The following FSTL5 variants were observed in gnomAD, a reference collection of about 807,000 sequenced individuals.
The protein encoded by FSTL5 is follistatin like 5.
FSTL5 carries 62 observed loss-of-function variants against 89.1 expected under a neutral mutation model. The observed-to-expected ratio is 0.70, with a 90% CI of 0.57 to 0.86. FSTL5 has a LOEUF of 0.86. Ranked by LOEUF, FSTL5 falls within the 40% of genes least tolerant of loss-of-function variation. The pLI is 0.00. For missense variants in FSTL5, 1,057 were observed against 1,001.6 expected (o/e 1.06, Z -0.75); for synonymous variants, 383 against 346.2 (o/e 1.11, Z -1.18).
At chr4:161,788,403 C>T (rs1004652143) in intron 4 of FSTL5, among the ~76,000 whole-genome samples, 2 of 152,118 alleles carry the variant, frequency 1.3e-5, no homozygotes, top group African/African-American at 4.8e-5. Context: ...TCCCATCTCC[C>T]TCCCTTCCAA....
At chr4:161,665,610 AT>A (rs1207128676) in intron 6 of FSTL5, among the ~76,000 whole-genome samples, 17 of 152,194 alleles carry the variant, frequency 1.1e-4, no homozygotes, top group African/African-American at 4.1e-4. Flanking sequence ...CACATAACTG[AT>A]TTCATCAGCA....
intron 7 of FSTL5, 33 bp downstream of exon 7, chr4:161,656,295 T>C (rs771866458): frequency 2.5e-6 from 3 of 1,202,542 alleles, no homozygotes; most frequent in East Asian, 5.1e-5. Context: ...ATGAAATATA[T>C]ATATTATAAA....
intron 3 of FSTL5, among the ~76,000 whole-genome samples, chr4:161,978,410 A>T (rs1735724842): frequency 6.6e-6 from 1 of 152,162 alleles, no homozygotes; most frequent in Admixed American, 6.5e-5. Flanking sequence ...TTTGTTGTTT[A>T]AATATTTACA....
At chr4:162,000,471 G>T (rs866490391) in intron 3 of FSTL5, among the ~76,000 whole-genome samples, 3 of 151,660 alleles carry the variant, frequency 2.0e-5, no homozygotes, top group Non-Finnish European at 4.4e-5. Context: ...GGTGGCAGGC[G>T]CCTGTAATCC....
intron 15 of FSTL5, among the ~76,000 whole-genome samples, chr4:161,391,638 A>C (rs1399415936): frequency 6.6e-6 from 1 of 152,216 alleles, no homozygotes; most frequent in Non-Finnish European, 1.5e-5. Flanking sequence ...CTCAAGTACC[A>C]GAGGATTCAG....
chr4:162,132,145 A>G (rs72986930), intron 1 of FSTL5, among the ~76,000 whole-genome samples: 14,516 of 152,222 alleles, frequency 0.095, 883 homozygotes, highest in African/African-American at 0.16. Flanking sequence ...CATTCTTAAA[A>G]CATTAAGAAA....
chr4:161,571,029 A>G (rs147075649), intron 8 of FSTL5, among the ~76,000 whole-genome samples: 5,399 of 152,122 alleles, frequency 0.035, 322 homozygotes, highest in African/African-American at 0.12. Context: ...AGGCAGGAGA[A>G]TCACTTGAGG....
At position 161,554,403 on chromosome 4, in the gene FSTL5, A is replaced by T. The variant is rs1732319239; in HGVS notation, c.1016-11710T>A. ...TAGAAAGATTCTAATGTGAAAAAAA[A>T]ATCTCTGTAAGGCTAAGTCTTACTT... On this transcript the variant is annotated intron_variant, in intron 8 of 15. Transcript: ENST00000306100. 2.0e-5 allele frequency among the ~76,000 whole-genome samples: 3 copies of T among 151,532 alleles called. No homozygotes were observed. In the South Asian group the frequency reaches 6.2e-4, roughly 31 times the overall value.
At chr4:161,948,665 T>G (rs968687734) in intron 3 of FSTL5, among the ~76,000 whole-genome samples, 1 of 151,628 alleles carries the variant, frequency 6.6e-6, no homozygotes, top group Non-Finnish European at 1.5e-5. Flanking sequence ...CCAGGCTGGT[T>G]TTGAACTCCT....
rs551144249 is a variant in FSTL5 at position 162,089,747 on chromosome 4, T to C, written c.126+21524A>G. Among the ~76,000 whole-genome samples the C allele has an allele frequency of 2.0e-5, 3 of 152,044 alleles. No individual in the cohort carries two copies. In the South Asian group the frequency reaches 6.2e-4, roughly 32 times the overall value. On this transcript the variant is annotated intron_variant, in intron 2 of 15. Transcript: ENST00000306100. Reference sequence around the variant, plus strand: ...AACTTCTGCCTACAGAACAGTACAATTTGAACTCCAGATTACTGTGCAAAA... The same window carrying C: ...AACTTCTGCCTACAGAACAGTACAACTTGAACTCCAGATTACTGTGCAAAA...
chr4:161,578,282 A>G lies in FSTL5; in HGVS notation c.1015+9173T>C, dbSNP rs1159451344. 5.9e-5 allele frequency among the ~76,000 whole-genome samples: 9 copies of G among 152,162 alleles called. No individual in the cohort carries two copies. In the South Asian group the frequency reaches 1.2e-3, roughly 21 times the overall value. ...AAGAATTATTTTTTAAATAGAATTT[A>G]TGTCGTTGAAAAATATAATATCTAA... On this transcript the variant is annotated intron_variant, in intron 8 of 15. Coordinates refer to ENST00000306100, the MANE Select transcript of FSTL5 (RefSeq NM_020116.5).
chr4:161,551,564 C>T (rs1028153724), intron 8 of FSTL5, among the ~76,000 whole-genome samples: 8 of 151,984 alleles, frequency 5.3e-5, no homozygotes, highest in Non-Finnish European at 2.9e-5. Context: ...CTGGAGGCAT[C>T]ATGATACCTG....
At chr4:162,030,380 A>C (rs1188344249) in intron 3 of FSTL5, among the ~76,000 whole-genome samples, 1 of 152,176 alleles carries the variant, frequency 6.6e-6, no homozygotes, top group Admixed American at 6.6e-5. Context: ...TATAAGTATT[A>C]AAATACATTA....
In FSTL5 at chr4:161,574,453, A is replaced by G. The variant is rs147352757; in HGVS notation, c.1015+13002T>C. Among the ~76,000 whole-genome samples, 16 of 151,492 alleles carry G rather than the reference A, an allele frequency of 1.1e-4. No individual in the cohort carries two copies. The East Asian group carries it at 3.1e-3, about 30-fold the overall frequency. On this transcript the variant is annotated intron_variant, in intron 8 of 15. Coordinates refer to ENST00000306100, the MANE Select transcript of FSTL5 (RefSeq NM_020116.5). ...CGTGGTTTGCTGCACCTATCAACCC[A>G]TAATCTAGGTTTTAAGCCCCATATG...
chr4:162,106,489 T>C (rs1372999890), intron 2 of FSTL5, among the ~76,000 whole-genome samples: 2 of 152,116 alleles, frequency 1.3e-5, no homozygotes, highest in Admixed American at 1.3e-4. Context: ...AGCAACCAAT[T>C]AGATACACGT....
chr4:161,772,521 A>G (rs7693774), intron 5 of FSTL5, among the ~76,000 whole-genome samples: 31,785 of 151,954 alleles, frequency 0.21, 6,115 homozygotes, highest in African/African-American at 0.51. Flanking sequence ...AAATTAATGT[A>G]CACAAATCAG....
chr4:161,766,103 AT>A (rs1288795396), intron 5 of FSTL5, among the ~76,000 whole-genome samples: 1 of 152,154 alleles, frequency 6.6e-6, no homozygotes, highest in Non-Finnish European at 1.5e-5. Context: ...CCTAATATGC[AT>A]TTTTAATGTA....
chr4:161,677,521 C>T (rs1201495683), intron 6 of FSTL5, among the ~76,000 whole-genome samples: 1 of 151,770 alleles, frequency 6.6e-6, no homozygotes, highest in Non-Finnish European at 1.5e-5. Flanking sequence ...AAATCTTATT[C>T]CTTCTCTTCA....
At chr4:161,654,083 A>G (rs2126680218) in intron 7 of FSTL5, among the ~76,000 whole-genome samples, 1 of 152,236 alleles carries the variant, frequency 6.6e-6, no homozygotes, top group Non-Finnish European at 1.5e-5. Flanking sequence ...ATTTATGTAT[A>G]TTTTAGAGAC....
Sources: allele counts gnomAD v4.1 joint callset (sites outside exome capture counted in the v4.1 genomes callset), GRCh38; gene constraint gnomAD v4.1.1; transcripts MANE v1.5; gene names NCBI Gene and HGNC (gene_info 2026-07-23, HGNC 2026-07-21).